Variants in ABR observed in about 807,000 individuals in gnomAD.
The protein encoded by ABR is ABR activator of RhoGEF and GTPase, also known as active breakpoint cluster region-related protein.
Under a neutral mutation model 107.2 loss-of-function variants are expected in ABR, and 35 were observed. That is an observed-to-expected ratio of 0.33 (90% CI 0.25 to 0.43). The LOEUF (loss-of-function observed/expected upper bound fraction) is 0.43, where lower values mean the gene tolerates loss of function less well. Among genes scored for constraint, ABR ranks in the 20% least tolerant of loss-of-function variants. ABR has a pLI of 1.00. For missense variants in ABR, 815 were observed against 1,115.2 expected (o/e 0.73, Z 3.83); for synonymous variants, 498 against 462.0 (o/e 1.08, Z -1.00).
At chr17:1,021,431 C>CT (rs1351145500) in intron 16 of ABR, among the ~76,000 whole-genome samples, 4 of 152,246 alleles carry the variant, frequency 2.6e-5, no homozygotes, top group African/African-American at 9.6e-5. Flanking sequence ...TGGCGCTCTT[C>CT]TACCCTCCAC....
intron 1 of ABR, among the ~76,000 whole-genome samples, chr17:1,145,652 A>G (rs1221416907): frequency 3.3e-5 from 5 of 152,190 alleles, no homozygotes; most frequent in Admixed American, 6.5e-5. Context: ...GAGAAGTAGG[A>G]AGAGGCAATT....
rs1597885495 is a variant in ABR, at chr17:1,119,599, C to T, written c.246+5584G>A. Among the ~76,000 whole-genome samples the T allele has an allele frequency of 2.0e-5, 3 of 152,238 alleles. 1 individual carries two copies. Among genetic ancestry groups the T allele is most frequent in the Admixed American group, 2.0e-4 (3 of 15,288 alleles). Reference sequence around the variant, plus strand: ...CATCCCAGAACTACTTGGTTCCATTCCACAAATACCAGTTGAGAACCCCTA... The same window carrying T: ...CATCCCAGAACTACTTGGTTCCATTTCACAAATACCAGTTGAGAACCCCTA... On this transcript the variant is annotated intron_variant, in intron 2 of 22. Coordinates refer to ENST00000302538, the MANE Select transcript of ABR (RefSeq NM_021962.5).
chr17:1,056,973 G>T (rs2033354355), intron 13 of ABR, 25 bp downstream of exon 13: 2 of 1,555,582 alleles, frequency 1.3e-6, no homozygotes, highest in Non-Finnish European at 1.8e-6. Context: ...CTGCCGGTTG[G>T]GCCACCTCTG....
At chr17:1,014,172 C>CG (rs1255412837) in intron 16 of ABR, among the ~76,000 whole-genome samples, 5 of 152,290 alleles carry the variant, frequency 3.3e-5, no homozygotes, top group Admixed American at 1.3e-4. Flanking sequence ...CCAGGCGTGG[C>CG]GGCTCACGCC....
intron 16 of ABR, among the ~76,000 whole-genome samples, chr17:1,023,885 C>T (rs1436862379): frequency 4.6e-5 from 7 of 151,998 alleles, no homozygotes; most frequent in African/African-American, 1.4e-4. Flanking sequence ...ATTACCCCGG[C>T]GTGGTGGCAC....
chr17:1,170,379 C>T lies in ABR; in HGVS notation c.61+9288G>A, dbSNP rs186421240. ...ACAGTTTACAGCAGGGCCAACCGAG[C>T]GCACAGTCCCTGGCTTGTAGTCTGC... On this transcript the variant is annotated intron_variant, in intron 1 of 22. Coordinates refer to ENST00000302538, the MANE Select transcript of ABR (RefSeq NM_021962.5). Among the ~76,000 whole-genome samples, 9 of 152,270 alleles carry T rather than the reference C, an allele frequency of 5.9e-5. No homozygotes were observed. The East Asian group carries it at 1.7e-3, about 29-fold the overall frequency.
At chr17:1,057,940 T>A in intron 12 of ABR, 30 bp downstream of exon 12, 1 of 1,584,786 alleles carries the variant, frequency 6.3e-7, no homozygotes, top group East Asian at 2.2e-5. Flanking sequence ...ACGGACATCA[T>A]TGGGGAGCGT....
In ABR at chr17:1,092,707, A is replaced by G; in HGVS notation, c.346-857T>C. Among the ~76,000 whole-genome samples the G allele has an allele frequency of 6.6e-6, 1 of 151,934 alleles. No individual in the cohort carries two copies. Among genetic ancestry groups the G allele is most frequent in the East Asian group, 1.9e-4 (1 of 5,152 alleles). ...ATGAATGAATATGAATAATCAGAAAAAAAAAAACCAAAGATGACCAGGCTG... is the reference window on the plus strand; with the variant it reads ...ATGAATGAATATGAATAATCAGAAAGAAAAAAACCAAAGATGACCAGGCTG... On this transcript the variant is annotated intron_variant, in intron 3 of 22. Transcript: ENST00000302538. The surrounding 1 kb of genome is among the most constrained non-coding windows in gnomAD (Gnocchi z 4.6).
intron 10 of ABR, among the ~76,000 whole-genome samples, chr17:1,065,392 GA>G (rs1260048084): frequency 1.4e-5 from 1 of 69,262 alleles, no homozygotes; most frequent in Admixed American, 1.6e-4. Context: ...TGTTCCTCTA[GA>G]CGCTGCTGTT....
intron 1 of ABR, among the ~76,000 whole-genome samples, chr17:1,140,247 G>A (rs1208399295): frequency 1.3e-5 from 2 of 152,230 alleles, no homozygotes; most frequent in Non-Finnish European, 2.9e-5. Context: ...GGCTTGGAGG[G>A]CTGAGCGATG....
At chr17:1,079,469 G>A in intron 5 of ABR, 79 bp from the exon 6 acceptor site, 2 of 1,365,822 alleles carry the variant, frequency 1.5e-6, no homozygotes, top group Admixed American at 1.9e-5. Flanking sequence ...TGGCAAGAAG[G>A]GGAGTTCTGA....
At chr17:1,109,448 G>T (rs1014594717) in intron 2 of ABR, among the ~76,000 whole-genome samples, 1 of 152,018 alleles carries the variant, frequency 6.6e-6, no homozygotes, top group African/African-American at 2.4e-5. Context: ...CAGGAAACGC[G>T]CGTCGCGAGG....
chr17:1,090,361 A>G (rs2036938196), intron 4 of ABR, among the ~76,000 whole-genome samples: 1 of 150,510 alleles, frequency 6.6e-6, no homozygotes, highest in Non-Finnish European at 1.5e-5. Flanking sequence ...GGGGCCGTCG[A>G]GGTTTCAGTG....
chr17:1,184,516 G>A (rs572326785), upstream of ABR, among the ~76,000 whole-genome samples: 27 of 152,286 alleles, frequency 1.8e-4, no homozygotes, highest in Admixed American at 1.2e-3. Context: ...AGTGCTCAGC[G>A]CAGTGGGTGA....
intron 1 of ABR, among the ~76,000 whole-genome samples, chr17:1,130,772 G>C (rs1423255627): frequency 6.6e-6 from 1 of 152,190 alleles, no homozygotes; most frequent in Non-Finnish European, 1.5e-5. Context: ...AAGAGAAAGG[G>C]GGAAAACACA....
At chr17:1,012,018 GCCCCCACGACAGCTCTCCCGTAGCAA>G (rs781625803) in intron 18 of ABR, 33 bp from the exon 19 acceptor site, 9 of 1,608,912 alleles carry the variant, frequency 5.6e-6, no homozygotes, top group African/African-American at 2.7e-5. Context: ...GTGGAGGGCA[GCCCCCACGACAGCTCTCCCGTAGCAA>G]CCCCCACCCA....
intron 1 of ABR, among the ~76,000 whole-genome samples, chr17:1,209,712 C>G (rs1470105706): frequency 2.0e-5 from 3 of 152,214 alleles, no homozygotes; most frequent in East Asian, 3.8e-4. Context: ...ACATCCTTCT[C>G]TCTTAACTTT....
At chr17:1,106,914 T>C (rs929034221) in intron 2 of ABR, among the ~76,000 whole-genome samples, 1 of 152,206 alleles carries the variant, frequency 6.6e-6, no homozygotes, top group Non-Finnish European at 1.5e-5. Flanking sequence ...TCACGCCTTG[T>C]TCCTCTTGTC....
At chr17:1,018,261 CT>C (rs1355744714) in intron 16 of ABR, among the ~76,000 whole-genome samples, 1 of 151,532 alleles carries the variant, frequency 6.6e-6, no homozygotes, top group Non-Finnish European at 1.5e-5. Flanking sequence ...CCAGGATGGT[CT>C]TGATCTCCTG....
Sources: allele counts gnomAD v4.1 joint callset (sites outside exome capture counted in the v4.1 genomes callset), GRCh38; gene constraint gnomAD v4.1.1; non-coding constraint Gnocchi (gnomAD v3.1); transcripts MANE v1.5; gene names NCBI Gene and HGNC (gene_info 2026-07-23, HGNC 2026-07-21).